The following PABPC4L variants were observed in gnomAD, a reference collection of about 807,000 sequenced individuals.
PABPC4L encodes the protein polyadenylate-binding protein 4-like.
For missense variants in PABPC4L, 452 were observed against 451.4 expected (o/e 1.00, Z -0.01); for synonymous variants, 169 against 164.1 (o/e 1.03, Z -0.23).
the PABPC4L span, among the ~76,000 whole-genome samples, chr4:134,018,028 C>T: frequency 6.6e-6 from 1 of 152,102 alleles, no homozygotes; most frequent in African/African-American, 2.4e-5. Flanking sequence ...CCTGCACGTA[C>T]ACATCCAGAT....
the PABPC4L span, among the ~76,000 whole-genome samples, chr4:134,045,066 C>G: frequency 6.6e-6 from 1 of 151,880 alleles, no homozygotes; most frequent in Admixed American, 6.6e-5. Flanking sequence ...ATTCTTTGAT[C>G]GCAAGAGGAA....
chr4:134,139,562 A>G, the PABPC4L span, among the ~76,000 whole-genome samples: 1 of 151,912 alleles, frequency 6.6e-6, no homozygotes, highest in East Asian at 1.9e-4. Flanking sequence ...GCTTCCAAAT[A>G]AGGTCTATTT....
chr4:134,049,084 T>C, the PABPC4L span, among the ~76,000 whole-genome samples: 2 of 152,044 alleles, frequency 1.3e-5, no homozygotes, highest in Non-Finnish European at 2.9e-5. Flanking sequence ...GAAATTATAA[T>C]AATTAAGTAG....
chr4:134,005,863 C>G, the PABPC4L span, among the ~76,000 whole-genome samples: 1 of 151,628 alleles, frequency 6.6e-6, no homozygotes, highest in South Asian at 2.1e-4. Flanking sequence ...TCAATCCAAG[C>G]AAACGACAGG....
At chr4:133,950,143 C>T in the PABPC4L span, among the ~76,000 whole-genome samples, 1 of 152,008 alleles carries the variant, frequency 6.6e-6, no homozygotes, top group African/African-American at 2.4e-5. Flanking sequence ...TTAGCATCCT[C>T]GAGTTTAACT....
the PABPC4L span, among the ~76,000 whole-genome samples, chr4:134,119,214 C>T: frequency 2.0e-5 from 3 of 151,664 alleles, no homozygotes; most frequent in African/African-American, 7.2e-5. Context: ...TAGTACCAAT[C>T]TCTCTTTTAC....
At chr4:134,079,381 C>A in the PABPC4L span, among the ~76,000 whole-genome samples, 1 of 148,892 alleles carries the variant, frequency 6.7e-6, no homozygotes, top group East Asian at 2.1e-4. Flanking sequence ...GAGATCGAGA[C>A]CATCCTGGCT....
chr4:134,147,006 C>G, the PABPC4L span, among the ~76,000 whole-genome samples: 171 of 152,122 alleles, frequency 1.1e-3, no homozygotes, highest in Non-Finnish European at 2.2e-3. Context: ...CTATCAAAAG[C>G]CAGAAACATG....
the PABPC4L span, among the ~76,000 whole-genome samples, chr4:134,086,014 G>T: frequency 6.6e-6 from 1 of 151,974 alleles, no homozygotes; most frequent in Non-Finnish European, 1.5e-5. Flanking sequence ...AGTAATAATT[G>T]TAATCACTTC....
At chr4:134,109,904 T>C in the PABPC4L span, among the ~76,000 whole-genome samples, 3 of 152,012 alleles carry the variant, frequency 2.0e-5, no homozygotes, top group East Asian at 3.9e-4. Flanking sequence ...ACCCAGAAAC[T>C]CTTGATGGTT....
chr4:133,958,313 G>A, the PABPC4L span, among the ~76,000 whole-genome samples: 40 of 152,200 alleles, frequency 2.6e-4, no homozygotes, highest in African/African-American at 4.8e-4. Context: ...CCTCATCTAC[G>A]TCTGAGACTA....
At chr4:134,135,327 A>G in the PABPC4L span, among the ~76,000 whole-genome samples, 1 of 151,992 alleles carries the variant, frequency 6.6e-6, no homozygotes, top group Non-Finnish European at 1.5e-5. Context: ...TCTGTTCTCA[A>G]ATACTCAAAT....
At chr4:134,062,303 G>A in the PABPC4L span, among the ~76,000 whole-genome samples, 1 of 151,744 alleles carries the variant, frequency 6.6e-6, no homozygotes, top group Admixed American at 6.6e-5. Flanking sequence ...CATGAGACTC[G>A]CAGGTCAGTA....
the PABPC4L span, among the ~76,000 whole-genome samples, chr4:134,062,443 A>G: frequency 6.6e-6 from 1 of 152,030 alleles, no homozygotes; most frequent in Admixed American, 6.6e-5. Context: ...TTGCCTTTAC[A>G]AAAGAAAGGC....
the PABPC4L span, among the ~76,000 whole-genome samples, chr4:134,187,987 CT>C: frequency 2.0e-5 from 3 of 151,890 alleles, no homozygotes; most frequent in Middle Eastern, 3.4e-3. Flanking sequence ...GATTTCCCTC[CT>C]TTTTTATGTC....
At chr4:134,127,402 A>G in the PABPC4L span, among the ~76,000 whole-genome samples, 1 of 151,922 alleles carries the variant, frequency 6.6e-6, no homozygotes, top group Non-Finnish European at 1.5e-5. Flanking sequence ...AGTCCACTTC[A>G]CTCCACTGCT....
the PABPC4L span, among the ~76,000 whole-genome samples, chr4:134,008,247 A>G: frequency 6.6e-6 from 1 of 151,824 alleles, no homozygotes; most frequent in South Asian, 2.1e-4. Context: ...AAATTTTGAA[A>G]ATTTGTTGGC....
At chr4:133,956,011 TC>T in the PABPC4L span, among the ~76,000 whole-genome samples, 1 of 152,108 alleles carries the variant, frequency 6.6e-6, no homozygotes, top group Admixed American at 6.6e-5. Context: ...TTAATTTGCA[TC>T]TTTATCTACT....
At chr4:133,961,334 T>C in the PABPC4L span, among the ~76,000 whole-genome samples, 6 of 152,098 alleles carry the variant, frequency 3.9e-5, no homozygotes, top group African/African-American at 1.4e-4. Context: ...AGCTCAGCTG[T>C]CAGTGAGAGA....
Sources: gnomAD v4.1 joint callset for allele counts (sites outside exome capture counted in the v4.1 genomes callset) on GRCh38, gnomAD v4.1.1 for gene constraint, MANE v1.5 for transcripts, NCBI Gene and HGNC (gene_info 2026-07-23, HGNC 2026-07-21) for gene names.